LCMT1: variants seen among roughly 807,000 people sequenced by gnomAD.
The protein encoded by LCMT1 is leucine carboxyl methyltransferase 1.
LCMT1 carries 32 observed loss-of-function variants against 47.7 expected under a neutral mutation model. The observed-to-expected ratio is 0.67, with a 90% CI of 0.51 to 0.90. The LOEUF (loss-of-function observed/expected upper bound fraction) is 0.90, where lower values mean the gene tolerates loss of function less well. LCMT1 is among the 40% of genes least tolerant of loss of function. LCMT1 has a pLI of 0.00. For missense variants in LCMT1, 375 were observed against 415.2 expected (o/e 0.90, Z 0.84); for synonymous variants, 152 against 149.7 (o/e 1.02, Z -0.11).
At chr16:25,116,073 G>A (rs57044426) in intron 1 of LCMT1, among the ~76,000 whole-genome samples, 5 of 152,140 alleles carry the variant, frequency 3.3e-5, no homozygotes, top group Admixed American at 2.6e-4. Flanking sequence ...AAACAAGCTG[G>A]GTTTATTACT....
At chr16:25,125,871 A>ATAATAATAATAATAG (rs1960160281) in intron 1 of LCMT1, 1 of 205,388 alleles carries the variant, frequency 4.9e-6, no homozygotes, top group African/African-American at 2.5e-5. Context: ...AATAATAATA[A>ATAATAATAATAATAG]TAGTTTTGTT....
chr16:25,115,274 A>G (rs1377089545), intron 1 of LCMT1, among the ~76,000 whole-genome samples: 3 of 152,058 alleles, frequency 2.0e-5, no homozygotes, highest in Non-Finnish European at 4.4e-5. Context: ...GTTACCTCTT[A>G]ATTGATTACT....
At chr16:25,123,241 T>TTTG (rs1960049294) in intron 1 of LCMT1, among the ~76,000 whole-genome samples, 1 of 149,352 alleles carries the variant, frequency 6.7e-6, no homozygotes, top group East Asian at 1.9e-4. Flanking sequence ...TTTTTTTTTT[T>TTTG]TGTGACAGAG....
chr16:25,134,023 T>A (rs1960431163), intron 3 of LCMT1, among the ~76,000 whole-genome samples: 1 of 148,888 alleles, frequency 6.7e-6, no homozygotes, highest in Admixed American at 6.7e-5. Context: ...CGAGTGAGAC[T>A]TCGTCTCTTA....
intron 3 of LCMT1, among the ~76,000 whole-genome samples, chr16:25,139,466 T>C (rs1170458410): frequency 6.6e-6 from 1 of 151,844 alleles, no homozygotes; most frequent in African/African-American, 2.4e-5. Context: ...GCTGAGATCA[T>C]GTCATTGCAC....
intron 1 of LCMT1, among the ~76,000 whole-genome samples, chr16:25,114,753 C>T (rs1321555976): frequency 2.0e-5 from 3 of 152,148 alleles, no homozygotes; most frequent in Admixed American, 6.6e-5. Context: ...AGCCCTCTCC[C>T]GTGGCTCCTC....
chr16:25,173,829 G>A (rs967742084), intron 9 of LCMT1, among the ~76,000 whole-genome samples: 6 of 152,086 alleles, frequency 3.9e-5, no homozygotes, highest in African/African-American at 1.2e-4. Flanking sequence ...AGAGGCGTGA[G>A]CCACTGCTCC....
intron 1 of LCMT1, among the ~76,000 whole-genome samples, chr16:25,117,308 A>G (rs144241444): frequency 6.0e-4 from 92 of 152,100 alleles, no homozygotes; most frequent in African/African-American, 2.1e-3. Context: ...TTATTCTGTC[A>G]CTCACCTAAA....
chr16:25,170,810 G>A lies in LCMT1; in HGVS notation c.884+5G>A. On this transcript the variant is annotated splice_donor_5th_base_variant and intron_variant, in intron 9 of 10. Transcript: ENST00000399069. ...ACCTCGAGCTGAAGTGAGCAGGTATGGGGTTGGTGAGCGTCAGCTTGATGG... is the reference window on the plus strand; with the variant it reads ...ACCTCGAGCTGAAGTGAGCAGGTATAGGGTTGGTGAGCGTCAGCTTGATGG... The A allele has an allele frequency of 6.3e-7, 1 of 1,596,442 alleles. No homozygotes were observed. Among genetic ancestry groups the A allele is most frequent in the Non-Finnish European group, 8.6e-7 (1 of 1,167,060 alleles).
At chr16:25,158,157 C>CT (rs1567324159) in intron 5 of LCMT1, among the ~76,000 whole-genome samples, 1 of 152,128 alleles carries the variant, frequency 6.6e-6, no homozygotes, top group Non-Finnish European at 1.5e-5. Flanking sequence ...TTGCTTTTTT[C>CT]TTTTTTTGAG....
At chr16:25,117,875 A>G (rs1470065445) in intron 1 of LCMT1, among the ~76,000 whole-genome samples, 1 of 151,818 alleles carries the variant, frequency 6.6e-6, no homozygotes, top group Non-Finnish European at 1.5e-5. Context: ...AAAATTTGAC[A>G]TCATCTTGGA....
chr16:25,135,375 C>G (rs767551316), intron 3 of LCMT1, among the ~76,000 whole-genome samples: 10 of 151,896 alleles, frequency 6.6e-5, no homozygotes, highest in Admixed American at 2.6e-4. Flanking sequence ...TGGCCCACAG[C>G]CTGTTTTTGT....
intron 4 of LCMT1, chr16:25,142,740 A>T (rs897133580): frequency 6.6e-6 from 1 of 152,214 alleles, no homozygotes; most frequent in Non-Finnish European, 1.5e-5. Flanking sequence ...CAACAGAATA[A>T]TAGTAAACCA....
intron 1 of LCMT1, among the ~76,000 whole-genome samples, chr16:25,123,464 A>G (rs1030847486): frequency 2.6e-5 from 4 of 151,916 alleles, no homozygotes; most frequent in East Asian, 1.9e-4. Context: ...ACCTCGGGTG[A>G]TTCACCTGCC....
chr16:25,132,234 A>C, intron 2 of LCMT1, 168 bp from the exon 3 acceptor site: 1 of 778,332 alleles, frequency 1.3e-6, no homozygotes, highest in Non-Finnish European at 2.0e-6. Flanking sequence ...AACCAAAAAA[A>C]AAAAATTTGA....
chr16:25,157,148 ACT>A (rs1961284092), intron 5 of LCMT1, among the ~76,000 whole-genome samples: 1 of 143,506 alleles, frequency 7.0e-6, no homozygotes, highest in Admixed American at 7.3e-5. Flanking sequence ...ATACACCAGC[ACT>A]TGTGTGTGTG....
intron 5 of LCMT1, among the ~76,000 whole-genome samples, chr16:25,153,903 A>T (rs981448366): frequency 1.3e-5 from 2 of 151,934 alleles, no homozygotes; most frequent in Non-Finnish European, 2.9e-5. Context: ...CAGTGAGCCG[A>T]GATCATGCCG....
chr16:25,165,865 T>C (rs1961574406), intron 7 of LCMT1, among the ~76,000 whole-genome samples: 1 of 152,166 alleles, frequency 6.6e-6, no homozygotes. Context: ...CCCTACTTCA[T>C]AGCATTGTTG....
chr16:25,160,450 T>C (rs752200742), intron 5 of LCMT1, among the ~76,000 whole-genome samples: 1 of 152,234 alleles, frequency 6.6e-6, no homozygotes, highest in Non-Finnish European at 1.5e-5. Context: ...AATACATTAG[T>C]ACATAAACTG....
Sources: allele counts gnomAD v4.1 joint callset (sites outside exome capture counted in the v4.1 genomes callset), GRCh38; gene constraint gnomAD v4.1.1; transcripts MANE v1.5; gene names NCBI Gene and HGNC (gene_info 2026-07-23, HGNC 2026-07-21).